Variants in GOT2 observed in about 807,000 individuals in gnomAD.
GOT2 encodes glutamic-oxaloacetic transaminase 2.
GOT2 carries 17 observed loss-of-function variants against 50.0 expected under a neutral mutation model. The observed-to-expected ratio is 0.34, with a 90% confidence interval of 0.23 to 0.51. The LOEUF (loss-of-function observed/expected upper bound fraction) is 0.51. GOT2 is among the 20% of genes least tolerant of loss of function. The probability of loss-of-function intolerance (pLI) is 0.97; values close to 1 mark genes in which losing one functional copy is unlikely to be tolerated. For missense variants in GOT2, 430 were observed against 559.6 expected (o/e 0.77, Z 2.34); for synonymous variants, 172 against 204.9 (o/e 0.84, Z 1.37).
chr16:58,714,359 T>C (rs1459033747), intron 8 of GOT2, among the ~76,000 whole-genome samples: 1 of 152,028 alleles, frequency 6.6e-6, no homozygotes, highest in Non-Finnish European at 1.5e-5. Context: ...GAGAACAGCC[T>C]GGCCAACATG....
At chr16:58,714,684 C>T (rs986362087) in intron 8 of GOT2, among the ~76,000 whole-genome samples, 2 of 151,844 alleles carry the variant, frequency 1.3e-5, no homozygotes, top group Non-Finnish European at 2.9e-5. Context: ...GCACTCTAGC[C>T]TGGGTGACAC....
chr16:58,720,712 G>C (rs1330963498), intron 3 of GOT2, among the ~76,000 whole-genome samples: 2 of 151,844 alleles, frequency 1.3e-5, no homozygotes, highest in Non-Finnish European at 2.9e-5. Context: ...CCCAGTAGCT[G>C]AGACTACAGG....
chr16:58,731,899 G>C (rs2044837526), intron 1 of GOT2, among the ~76,000 whole-genome samples: 1 of 152,204 alleles, frequency 6.6e-6, no homozygotes, highest in Non-Finnish European at 1.5e-5. Flanking sequence ...CACTTCCACA[G>C]TGTAAGGAGG....
intron 1 of GOT2, among the ~76,000 whole-genome samples, chr16:58,729,927 T>TAA (rs1319054528): frequency 1.3e-5 from 2 of 151,258 alleles, no homozygotes; most frequent in African/African-American, 4.9e-5. Flanking sequence ...ATTTTTTTTT[T>TAA]AAAAATGTAA....
intron 9 of GOT2, 74 bp downstream of exon 9, chr16:58,709,343 A>G: frequency 8.2e-7 from 1 of 1,220,664 alleles, no homozygotes; most frequent in South Asian, 1.6e-5. Flanking sequence ...AAAAGAAAAA[A>G]GAAAAAAAAG....
chr16:58,710,915 C>T (rs184391815), intron 8 of GOT2, among the ~76,000 whole-genome samples: 269 of 133,108 alleles, frequency 2.0e-3, no homozygotes, highest in African/African-American at 7.5e-3. Flanking sequence ...TTGCAGTGAG[C>T]GGAGATGGCG....
At chr16:58,717,871 G>A (rs1256444850) in intron 6 of GOT2, among the ~76,000 whole-genome samples, 1 of 152,108 alleles carries the variant, frequency 6.6e-6, no homozygotes, top group Non-Finnish European at 1.5e-5. Flanking sequence ...TGTAGTTTTA[G>A]TAGAGACGGG....
At chr16:58,722,069 C>A (rs908138832) in intron 3 of GOT2, 81 bp downstream of exon 3, 7 of 1,506,902 alleles carry the variant, frequency 4.6e-6, no homozygotes, top group Non-Finnish European at 6.4e-6. Flanking sequence ...CGTGAGCCAT[C>A]GCGCCTGGCC....
intron 8 of GOT2, among the ~76,000 whole-genome samples, chr16:58,713,702 T>C (rs78623058): frequency 0.038 from 5,813 of 152,266 alleles, 140 homozygotes; most frequent in Middle Eastern, 0.11. Context: ...AAGCAGCTCA[T>C]ATAACAAATA....
At chr16:58,710,396 CTT>C (rs774270272) in intron 8 of GOT2, among the ~76,000 whole-genome samples, 3 of 138,714 alleles carry the variant, frequency 2.2e-5, no homozygotes, top group African/African-American at 5.2e-5. Context: ...ATTTTCTTTT[CTT>C]TTTTTTTTTT....
intron 8 of GOT2, among the ~76,000 whole-genome samples, chr16:58,714,063 ATTTTT>A (rs1045705641): frequency 6.6e-6 from 1 of 151,548 alleles, no homozygotes; most frequent in Non-Finnish European, 1.5e-5. Flanking sequence ...TTTATTTTTT[ATTTTT>A]TTATTTTCTT....
At chr16:58,713,443 G>A (rs1402993630) in intron 8 of GOT2, among the ~76,000 whole-genome samples, 1 of 151,952 alleles carries the variant, frequency 6.6e-6, no homozygotes. Flanking sequence ...GTTTGAGACT[G>A]GCCTGGACAA....
At chr16:58,716,510 A>G (rs1487364780) in intron 7 of GOT2, 153 bp downstream of exon 7, 1 of 684,352 alleles carries the variant, frequency 1.5e-6, no homozygotes, top group Non-Finnish European at 2.4e-6. Context: ...AGTAAAATCT[A>G]CGATACTGGT....
chr16:58,718,799 A>G (rs767627866), intron 4 of GOT2, 111 bp from the exon 5 acceptor site: 14 of 861,158 alleles, frequency 1.6e-5, no homozygotes, highest in Middle Eastern at 4.5e-4. Flanking sequence ...GTTTCTCTCT[A>G]TGGTTGAGAA....
At position 58,716,120 on chromosome 16, in the gene GOT2, C is replaced by G. The variant is rs755172638; in HGVS notation, c.913G>C (p.Glu305Gln). Residue 305 changes from glutamate to glutamine, a missense_variant, in exon 8 of 10, where the codon GAG (glutamate) becomes CAG (glutamine). By Grantham distance (29) the Glu-to-Gln change is conservative (BLOSUM62 2). Coordinates refer to ENST00000245206, the MANE Select transcript of GOT2 (RefSeq NM_002080.4). ...CKDADEAKRV[E>Q]SQLKILIRPM... ...CGGATCAAGATCTTCAACTGTGACT[C>G]TACCCTTTTGGCTTCATCCGCATCT... is the stretch of plus-strand genomic sequence containing the variant. The G allele has an allele frequency of 1.9e-6, 3 of 1,614,024 alleles. No individual in the cohort carries two copies. The Admixed American group carries it at 5.0e-5, about 27-fold the overall frequency.
At chr16:58,730,951 C>A (rs73550818) in intron 1 of GOT2, among the ~76,000 whole-genome samples, 18,293 of 152,130 alleles carry the variant, frequency 0.12, 1,761 homozygotes, top group East Asian at 0.48. Context: ...GGTTAGGTAC[C>A]AAGTATTCAG....
chr16:58,718,531 A>G lies in GOT2; in HGVS notation c.593T>C (p.Ile198Thr). ...CACCCTGAAAGCCACACTTACTGAA[A>G]TATCCTCCACAGCGCCTGTGAAGTC... ...GFDFTGAVED[I>T]SKIPEQSVLL... The change falls in exon 5 of 10, where the codon ATT (isoleucine) becomes ACT (threonine). Residue 198 changes from isoleucine to threonine, a missense_variant. Physicochemically the swap from Ile to Thr is moderately conservative, Grantham distance 89. Transcript: ENST00000245206. 1 of 1,572,432 alleles carries G rather than the reference A, an allele frequency of 6.4e-7. No individual in the cohort carries two copies. Among genetic ancestry groups the G allele is most frequent in the Non-Finnish European group, 8.6e-7 (1 of 1,160,838 alleles).
At position 58,718,271 on chromosome 16, in the gene GOT2, C is replaced by T; in HGVS notation, c.627G>A (p.Leu209=). 1 of 1,614,004 alleles carries T rather than the reference C, an allele frequency of 6.2e-7. No homozygotes were observed. The highest frequency in any genetic ancestry group is 8.5e-7 in the Non-Finnish European group (1 of 1,179,856). ...SKIPEQSVLL[L]HACAHNPTGV... ...CCGTGGGATTGTGGGCGCAGGCATG[C>T]AGAAGAAGAACACTCTGCTCTGGTA... The change falls in exon 6 of 10, where the codon CTG becomes CTA. Residue 209 remains leucine, a synonymous_variant. Transcript: ENST00000245206.
rs1214922467 is a variant in GOT2, at chr16:58,722,151, C to T, written c.374G>A (p.Arg125Gln). The T allele has an allele frequency of 1.9e-6, 3 of 1,611,894 alleles. No homozygotes were observed. Among genetic ancestry groups the T allele is most frequent in the African/African-American group, 1.3e-5 (1 of 74,952 alleles). Reference protein sequence around the residue: ...GENSEVLKSGRFVTVQTISGT... With the variant: ...GENSEVLKSGQFVTVQTISGT... ...GATGCCAGAGCCTGCTCAGCTTACC[C>T]GGCCACTCTTCAAGACTTCGCTGTT... Residue 125 changes from arginine (R) to glutamine (Q), a missense_variant and splice_region_variant, in exon 3 of 10, where the codon CGG becomes CAG. Physicochemically the swap from Arg to Gln is conservative, Grantham distance 43. Coordinates refer to ENST00000245206, the MANE Select transcript of GOT2 (RefSeq NM_002080.4).
Sources: allele counts gnomAD v4.1 joint callset (sites outside exome capture counted in the v4.1 genomes callset), GRCh38; gene constraint gnomAD v4.1.1; transcripts MANE v1.5; gene names NCBI Gene and HGNC (gene_info 2026-07-23, HGNC 2026-07-21).